The following OR10G3 variants were observed in gnomAD, a reference collection of about 807,000 sequenced individuals.
OR10G3 encodes olfactory receptor 10G3.
Under a neutral mutation model 13.4 loss-of-function variants are expected in OR10G3, and 8 were observed. The ratio of observed to expected loss-of-function variants is 0.60; its 90% CI spans 0.35 to 1.08. The LOEUF (loss-of-function observed/expected upper bound fraction) is 1.08. Among genes scored for constraint, OR10G3 ranks in the 50% least tolerant of loss-of-function variants. The probability of loss-of-function intolerance (pLI) is 0.02; values close to 1 mark genes in which losing one functional copy is unlikely to be tolerated. For missense variants in OR10G3, 393 were observed against 386.6 expected (o/e 1.02, Z -0.14); for synonymous variants, 142 against 156.1 (o/e 0.91, Z 0.67).
chr14:21,579,649 A>G (rs1299829487), intron 1 of OR10G3, 137 bp downstream of exon 1: 1 of 152,246 alleles, frequency 6.6e-6, no homozygotes, highest in Non-Finnish European at 1.5e-5. Flanking sequence ...ATACTGAGTA[A>G]CTAAACAAGT....
chr14:21,578,556 T>C (rs1201897420), intron 1 of OR10G3, among the ~76,000 whole-genome samples: 1 of 152,160 alleles, frequency 6.6e-6, no homozygotes, highest in Non-Finnish European at 1.5e-5. Flanking sequence ...ATTAGACATC[T>C]TTTCTAATGA....
chr14:21,575,429 G>A (rs991211557), intron 1 of OR10G3, among the ~76,000 whole-genome samples: 1 of 149,602 alleles, frequency 6.7e-6, no homozygotes, highest in Non-Finnish European at 1.5e-5. Context: ...CACCCAGGCT[G>A]GAGGGCAGTG....
rs1007334278 is a variant in OR10G3, at chr14:21,569,041, T to C, written c.*762A>G. 6.6e-6 allele frequency: 1 copy of C among 150,432 alleles called. No individual in the cohort carries two copies. 9.3% of individuals were successfully genotyped at this position (150,432 alleles called of 1,614,324 possible). On this transcript the variant is annotated 3_prime_UTR_variant, in exon 2 of 2. Transcript: ENST00000641040. The stretch of plus-strand genomic sequence containing the variant: ...GGACAGAACTAATGGGAAAAAAATA[T>C]ATATATATTTATATATATATAAAGG...
At chr14:21,579,525 G>A (rs1311893168) in intron 1 of OR10G3, among the ~76,000 whole-genome samples, 3 of 152,318 alleles carry the variant, frequency 2.0e-5, no homozygotes, top group East Asian at 3.9e-4. Flanking sequence ...GATTACAGGT[G>A]TGAGCCAACA....
chr14:21,572,864 G>A (rs1893087333), intron 1 of OR10G3, among the ~76,000 whole-genome samples: 1 of 152,098 alleles, frequency 6.6e-6, no homozygotes. Flanking sequence ...ATAATATGAT[G>A]CCTGTGGCTT....
At chr14:21,574,336 A>AC in intron 1 of OR10G3, among the ~76,000 whole-genome samples, 1 of 142,342 alleles carries the variant, frequency 7.0e-6, no homozygotes, top group Admixed American at 7.0e-5. Flanking sequence ...AAATTGATTG[A>AC]TTTTTTTTTC....
At position 21,570,040 on chromosome 14, in the gene OR10G3, C is replaced by T. The variant is rs907655117; in HGVS notation, c.705G>A (p.Arg235=). The change falls in exon 2 of 2, where the codon CGG becomes CGA. Residue 235 remains arginine (R), a synonymous_variant. Coordinates refer to ENST00000641040, the MANE Select transcript of OR10G3 (RefSeq NM_001005465.2). ...CTCCACAAGTTGAAAAAGCCCGGCG[C>T]CGCCCATCAGCTGTGTGGATTCTCA... is the stretch of plus-strand genomic sequence containing the variant. The part of the protein sequence containing the change: ...AILRIHTADG[R]RRAFSTCGAH... 5 of 1,614,214 alleles carry T rather than the reference C, an allele frequency of 3.1e-6. No homozygotes were observed. Among genetic ancestry groups the T allele is most frequent in the Non-Finnish European group, 4.2e-6 (5 of 1,180,046 alleles).
At position 21,569,642 on chromosome 14, in the gene OR10G3, G is replaced by A. The variant is rs751768418; in HGVS notation, c.*161C>T. 1.6e-6 allele frequency: 1 copy of A among 631,662 alleles called. No homozygotes were observed. Among genetic ancestry groups the A allele is most frequent in the East Asian group, 2.8e-5 (1 of 35,478 alleles). 39.1% of individuals were successfully genotyped at this position (631,662 alleles called of 1,614,324 possible). On this transcript the variant is annotated 3_prime_UTR_variant, in exon 2 of 2. Coordinates refer to ENST00000641040, the MANE Select transcript of OR10G3 (RefSeq NM_001005465.2). Reference sequence around the variant, plus strand: ...GAGAGTTATCTTGAGAGGATACTAAGGAACTGTTAGAAAGTTAGTATTTTA... The same window carrying A: ...GAGAGTTATCTTGAGAGGATACTAAAGAACTGTTAGAAAGTTAGTATTTTA...
In OR10G3 at chr14:21,569,890, G is replaced by A. The variant is rs763067026; in HGVS notation, c.855C>T (p.Asn285=). Residue 285 remains asparagine (N), a synonymous_variant, in exon 2 of 2, where the codon AAC becomes AAT. Transcript: ENST00000641040. ...GGTTCCGCAGAGTGTAGATAAGGGG[G>A]TTGAGGAAAGGAGTGATGGCCGTGG... ...LVPTAITPFL[N]PLIYTLRNQE... is the part of the protein sequence containing the mutation. The A allele has an allele frequency of 1.2e-6, 2 of 1,613,866 alleles. No homozygotes were observed.
At position 21,579,863 on chromosome 14, in the gene OR10G3, GA is replaced by G. The variant is rs1876852761; in HGVS notation, c.-96del. ...TACAAATCTATTCCTAAGGAATCTTGAATATCTCATAGGTCAGCAGCAATTA... is the reference window on the plus strand; with the variant it reads ...TACAAATCTATTCCTAAGGAATCTTGATATCTCATAGGTCAGCAGCAATTA... On this transcript the variant is annotated 5_prime_UTR_variant, in exon 1 of 2. An upstream open reading frame in the 5' UTR loses its in-frame stop. Coordinates refer to ENST00000641040, the MANE Select transcript of OR10G3 (RefSeq NM_001005465.2). 1 of 152,206 alleles carries G rather than the reference GA, an allele frequency of 6.6e-6. No individual in the cohort carries two copies. The highest frequency in any genetic ancestry group is 2.1e-4 in the South Asian group (1 of 4,834). 9.4% of individuals were successfully genotyped at this position (152,206 alleles called of 1,614,324 possible). A position where few individuals can be genotyped will look rare whatever the true frequency, so the allele number is the denominator to read the frequency against.
Position 21,570,775 on chromosome 14 carries a change from A to C in OR10G3, c.-17-14T>G, listed in dbSNP as rs1167663426. 2 of 1,458,354 alleles carry C rather than the reference A, an allele frequency of 1.4e-6. No homozygotes were observed. The highest frequency in any genetic ancestry group is 2.6e-5 in the South Asian group (2 of 76,886). 90.3% of individuals were successfully genotyped at this position (1,458,354 alleles called of 1,614,324 possible). A position where few individuals can be genotyped will look rare whatever the true frequency, so the allele number is the denominator to read the frequency against. ...AGAGAATCTTACCTAGAGAATGGAC[A>C]AAACAAGAATTAACATAGAGGTGAG... On this transcript the variant is annotated splice_polypyrimidine_tract_variant and intron_variant, in intron 1 of 1. Coordinates refer to ENST00000641040, the MANE Select transcript of OR10G3 (RefSeq NM_001005465.2).
intron 1 of OR10G3, among the ~76,000 whole-genome samples, chr14:21,578,763 AT>A (rs1479902463): frequency 6.6e-6 from 1 of 152,116 alleles, no homozygotes; most frequent in Non-Finnish European, 1.5e-5. Context: ...AATATAATTA[AT>A]TTCTTTTTAA....
At chr14:21,573,640 C>T (rs1019068944) in intron 1 of OR10G3, among the ~76,000 whole-genome samples, 1 of 151,294 alleles carries the variant, frequency 6.6e-6, no homozygotes, top group East Asian at 1.9e-4. Flanking sequence ...CCACTGCACT[C>T]CAGCCTGGGT....
intron 1 of OR10G3, among the ~76,000 whole-genome samples, chr14:21,572,574 G>A (rs1413985162): frequency 2.2e-5 from 3 of 138,908 alleles, no homozygotes; most frequent in African/African-American, 8.1e-5. Flanking sequence ...TCCAGCCTGG[G>A]TGACAGAGCG....
chr14:21,574,446 G>T (rs1489664640), intron 1 of OR10G3, among the ~76,000 whole-genome samples: 1 of 152,060 alleles, frequency 6.6e-6, no homozygotes, highest in Non-Finnish European at 1.5e-5. Context: ...TCACTCCTGT[G>T]CAGGGCAGCA....
At chr14:21,578,432 A>T (rs1182018015) in intron 1 of OR10G3, among the ~76,000 whole-genome samples, 1 of 152,098 alleles carries the variant, frequency 6.6e-6, no homozygotes, top group Non-Finnish European at 1.5e-5. Context: ...AATAAATAAT[A>T]AATAAACAAA....
rs1893045204 is a variant in OR10G3 at position 21,570,004 on chromosome 14, G to A, written c.741C>T (p.Thr247=). The A allele has an allele frequency of 1.9e-6, 3 of 1,614,112 alleles. No individual in the cohort carries two copies. Among genetic ancestry groups the A allele is most frequent in the Non-Finnish European group, 2.5e-6 (3 of 1,179,976 alleles). ...RAFSTCGAHV[T]VVTVYYVPCA... ...AGGGCACATAGTACACGGTGACCAC[G>A]GTTACATGGGCTCCACAAGTTGAAA... The change falls in exon 2 of 2, where the codon ACC becomes ACT. Residue 247 remains threonine (T), a synonymous_variant. Transcript: ENST00000641040.
chr14:21,569,735 G>A lies in OR10G3; in HGVS notation c.*68C>T. 1 of 1,323,854 alleles carries A rather than the reference G, an allele frequency of 7.6e-7. No homozygotes were observed. The highest frequency in any genetic ancestry group is 2.5e-5 in the Admixed American group (1 of 39,970). The allele number at this position is 1,323,854 out of a possible 1,614,324, so 82.0% of individuals were successfully genotyped here. A position where few individuals can be genotyped will look rare whatever the true frequency, so the allele number is the denominator to read the frequency against. On this transcript the variant is annotated 3_prime_UTR_variant, in exon 2 of 2. Coordinates refer to ENST00000641040, the MANE Select transcript of OR10G3 (RefSeq NM_001005465.2). ...GAAAAAACAAGAAGAAAAGAAAAAA[G>A]TTACCGAAGCCTAAACATTATAATA...
At chr14:21,578,511 TA>T (rs1566538812) in intron 1 of OR10G3, among the ~76,000 whole-genome samples, 2 of 152,060 alleles carry the variant, frequency 1.3e-5, no homozygotes, top group Non-Finnish European at 2.9e-5. Flanking sequence ...GACCACAAAC[TA>T]AATAAAAGTG....
Sources: gnomAD v4.1 joint callset for allele counts (sites outside exome capture counted in the v4.1 genomes callset) on GRCh38, gnomAD v4.1.1 for gene constraint, MANE v1.5 for transcripts, NCBI Gene and HGNC (gene_info 2026-07-23, HGNC 2026-07-21) for gene names.